PITPNM3: variants seen among roughly 807,000 people sequenced by gnomAD.
PITPNM3 encodes membrane-associated phosphatidylinositol transfer protein 3.
A neutral mutation model predicts 102.0 loss-of-function variants in PITPNM3; 26 were observed. The observed-to-expected ratio is 0.25, with a 90% CI of 0.19 to 0.35. The LOEUF is 0.35. PITPNM3 is among the 10% of genes least tolerant of loss of function. PITPNM3 has a pLI of 1.00. For missense variants in PITPNM3, 1,083 were observed against 1,346.1 expected (o/e 0.80, Z 3.06); for synonymous variants, 578 against 558.6 (o/e 1.03, Z -0.49).
chr17:6,473,210 T>G, intron 10 of PITPNM3: 2 of 332,720 alleles, frequency 6.0e-6, no homozygotes, highest in Non-Finnish European at 5.8e-6. Context: ...CCCAGGTTCC[T>G]TCAGGCAGGT....
intron 16 of PITPNM3, 96 bp from the exon 17 acceptor site, chr17:6,463,977 G>A: frequency 6.4e-7 from 1 of 1,570,726 alleles, no homozygotes; most frequent in South Asian, 1.1e-5. Flanking sequence ...AGCTCAGTCT[G>A]GGTCAAGGTC....
intron 6 of PITPNM3, chr17:6,479,103 C>T (rs1026357822): frequency 8.8e-6 from 2 of 226,090 alleles, no homozygotes; most frequent in Non-Finnish European, 8.8e-6. Context: ...AACATATCAT[C>T]ATGGCAGACT....
rs1913872029 is a variant in PITPNM3, at chr17:6,452,021, C to G, written c.*3317G>C. On this transcript the variant is annotated 3_prime_UTR_variant, in exon 20 of 20. Transcript: ENST00000262483. Reference sequence around the variant, plus strand: ...GTGCCTCATGAAAGACTCCAGGGCACAGGTATGGGTCCCAAAGGGGTAAAA... The same window carrying G: ...GTGCCTCATGAAAGACTCCAGGGCAGAGGTATGGGTCCCAAAGGGGTAAAA... The G allele has an allele frequency of 1.3e-5, 2 of 151,972 alleles. No homozygotes were observed. Among genetic ancestry groups the G allele is most frequent in the Admixed American group, 1.3e-4 (2 of 15,248 alleles). 9.4% of individuals were successfully genotyped at this position (151,972 alleles called of 1,614,324 possible). A position where few individuals can be genotyped will look rare whatever the true frequency, so the allele number is the denominator to read the frequency against.
rs536141354 is a variant in PITPNM3, at chr17:6,470,879, T to A, written c.1624+282A>T. Among the ~76,000 whole-genome samples, 6 of 152,020 alleles carry A rather than the reference T, an allele frequency of 3.9e-5. No homozygotes were observed. The highest frequency in any genetic ancestry group is 8.8e-5 in the Non-Finnish European group (6 of 67,980). Reference sequence around the variant, plus strand: ...CTCTCCTCAAGGTCAGAGCTCTGATTTGAGGCAGGGTCAGAGTTCAGGGCT... The same window carrying A: ...CTCTCCTCAAGGTCAGAGCTCTGATATGAGGCAGGGTCAGAGTTCAGGGCT... On this transcript the variant is annotated intron_variant, in intron 12 of 19. Transcript: ENST00000262483. The surrounding 1 kb of genome is among the most constrained non-coding windows in gnomAD (Gnocchi z 4.8).
In PITPNM3 at chr17:6,453,011, T is replaced by TCTCTGCCTTCCTGTCTTTCTTACTCC. The variant is rs1567655020; in HGVS notation, c.*2326_*2327insGGAGTAAGAAAGACAGGAAGGCAGAG. On this transcript the variant is annotated 3_prime_UTR_variant, in exon 20 of 20. Transcript: ENST00000262483. ...CTCTCTCTGTCTTCCTTTCTCTCTC[T>TCTCTGCCTTCCTGTCTTTCTTACTCC]CTCTCTCTCTCTGCCTTCCTGTCTT... The TCTCTGCCTTCCTGTCTTTCTTACTCC allele has an allele frequency of 7.8e-6, 1 of 128,720 alleles. No homozygotes were observed. The highest frequency in any genetic ancestry group is 2.8e-5 in the African/African-American group (1 of 36,132). 8.0% of individuals were successfully genotyped at this position (128,720 alleles called of 1,614,324 possible).
chr17:6,523,857 C>T (rs1191361930), intron 3 of PITPNM3, among the ~76,000 whole-genome samples: 2 of 152,212 alleles, frequency 1.3e-5, no homozygotes, highest in Non-Finnish European at 2.9e-5. Flanking sequence ...TCCTTTCAGA[C>T]TCATGGTTCC....
chr17:6,478,448 G>T lies in PITPNM3; in HGVS notation c.777+99C>A. The T allele has an allele frequency of 6.9e-7, 1 of 1,458,248 alleles. No individual in the cohort carries two copies. Among genetic ancestry groups the T allele is most frequent in the Non-Finnish European group, 9.5e-7 (1 of 1,055,356 alleles). The allele number at this position is 1,458,248 out of a possible 1,614,324, so 90.3% of individuals were successfully genotyped here. A position where few individuals can be genotyped will look rare whatever the true frequency, so the allele number is the denominator to read the frequency against. On this transcript the variant is annotated intron_variant, in intron 7 of 19. Transcript: ENST00000262483. This position sits in a 1 kb window ranked among gnomAD's most constrained non-coding sequence, Gnocchi z 4.4. Reference sequence around the variant, plus strand: ...CCTTTGGGCTCAGAGGCTGATTCGAGAACAGCCTGGCCTTGGCCCTTTCAG... The same window carrying T: ...CCTTTGGGCTCAGAGGCTGATTCGATAACAGCCTGGCCTTGGCCCTTTCAG...
rs141624187 is a variant in PITPNM3 at position 6,538,902 on chromosome 17, G to C, written c.23-820C>G. ...GCAGTCCTTCGAGATACCTGCTACA[G>C]TCCCAGTTCACCACACCCCCTACCC... On this transcript the variant is annotated intron_variant, in intron 1 of 19. Coordinates refer to ENST00000262483, the MANE Select transcript of PITPNM3 (RefSeq NM_031220.4). Among the ~76,000 whole-genome samples, 924 of 152,260 alleles carry C rather than the reference G, an allele frequency of 6.1e-3. 10 individuals carry two copies. The highest frequency in any genetic ancestry group is 0.021 in the African/African-American group (866 of 41,530).
chr17:6,528,312 C>A (rs932211591), intron 2 of PITPNM3, among the ~76,000 whole-genome samples: 3 of 152,142 alleles, frequency 2.0e-5, no homozygotes, highest in Non-Finnish European at 4.4e-5. Context: ...CTGGGTATGT[C>A]TCTTTCTTGA....
intron 2 of PITPNM3, among the ~76,000 whole-genome samples, chr17:6,530,783 G>A (rs1567690247): frequency 2.0e-5 from 3 of 152,326 alleles, no homozygotes; most frequent in East Asian, 3.9e-4. Context: ...CATATTCATG[G>A]AGGGAGGGCT....
At chr17:6,515,896 C>A (rs1908139488) in intron 3 of PITPNM3, among the ~76,000 whole-genome samples, 1 of 152,072 alleles carries the variant, frequency 6.6e-6, no homozygotes. Flanking sequence ...AAAACAAACC[C>A]CAGGCCTGGC....
chr17:6,470,494 G>A lies in PITPNM3; in HGVS notation c.1625-86C>T. ...GCGGGGTCTCCCATTGCACAGACTGGTGGTGGATGCCCCACGTGGGGCACG... is the reference window on the plus strand; with the variant it reads ...GCGGGGTCTCCCATTGCACAGACTGATGGTGGATGCCCCACGTGGGGCACG... On this transcript the variant is annotated intron_variant, in intron 12 of 19. Coordinates refer to ENST00000262483, the MANE Select transcript of PITPNM3 (RefSeq NM_031220.4). The surrounding 1 kb of genome is among the most constrained non-coding windows in gnomAD (Gnocchi z 4.8). 3.8e-6 allele frequency: 6 copies of A among 1,583,222 alleles called. No individual in the cohort carries two copies. Among genetic ancestry groups the A allele is most frequent in the Non-Finnish European group, 4.3e-6 (5 of 1,155,278 alleles).
In PITPNM3 at chr17:6,470,276, G is replaced by C; in HGVS notation, c.1757C>G (p.Ala586Gly). 6.2e-7 allele frequency: 1 copy of C among 1,610,134 alleles called. No individual in the cohort carries two copies. Among genetic ancestry groups the C allele is most frequent in the Non-Finnish European group, 8.5e-7 (1 of 1,178,260 alleles). The stretch of plus-strand genomic sequence containing the variant: ...CAGCAGTACCTGTCTCAGGATGAAG[G>C]CCACCACGTCTGTGGACTCCCAGTA... ...ASYWESTDVV[A>G]FILRQVMRYE... The change falls in exon 13 of 20, where the codon GCC becomes GGC. Residue 586 changes from alanine to glycine, a missense_variant. This residue lies in a region of PITPNM3 where 410 missense variants were observed against 638.4 expected (regional missense o/e 0.64). Coordinates refer to ENST00000262483, the MANE Select transcript of PITPNM3 (RefSeq NM_031220.4). This position sits in a 1 kb window ranked among gnomAD's most constrained non-coding sequence, Gnocchi z 4.8.
chr17:6,468,273 G>GGCAGGACTCAGTGCT lies in PITPNM3; in HGVS notation c.1827_1841dup (p.Ala610_Ala614dup). The GGCAGGACTCAGTGCT allele has an allele frequency of 6.2e-7, 1 of 1,613,898 alleles. No individual in the cohort carries two copies. The highest frequency in any genetic ancestry group is 8.5e-7 in the Non-Finnish European group (1 of 1,180,012). ...TACGAAGCCACTTCTCCCGGGGGTT[G>GGCAGGACTCAGTGCT]GCAGGACTCAGTGCTGCAGGGTCCA... On this transcript the variant is annotated inframe_insertion, in exon 14 of 20. Transcript: ENST00000262483. The surrounding 1 kb of genome is among the most constrained non-coding windows in gnomAD (Gnocchi z 5.2).
chr17:6,474,587 A>G lies in PITPNM3; in HGVS notation c.1103T>C (p.Leu368Pro). Residue 368 changes from leucine to proline, a missense_variant, in exon 10 of 20, where the codon CTA becomes CCA. Leu to Pro is a moderately conservative substitution (Grantham distance 98). Coordinates refer to ENST00000262483, the MANE Select transcript of PITPNM3 (RefSeq NM_031220.4). ...CGCCGGGGTCTCAGACTCATCCTTT[A>G]GCACGCTGGAGTGGATGCTGCGGAG... is the stretch of plus-strand genomic sequence containing the variant. The part of the protein sequence containing the change: ...AFLSSIHSSV[L>P]KDESETPAAG... 6.4e-7 allele frequency: 1 copy of G among 1,572,276 alleles called. No homozygotes were observed. Among genetic ancestry groups the G allele is most frequent in the Non-Finnish European group, 8.6e-7 (1 of 1,159,460 alleles).
intron 11 of PITPNM3, among the ~76,000 whole-genome samples, chr17:6,471,933 G>A (rs1015386738): frequency 6.6e-6 from 1 of 152,202 alleles, no homozygotes; most frequent in African/African-American, 2.4e-5. Flanking sequence ...CATTGAATTA[G>A]GGGTGAGGAA....
At chr17:6,551,298 C>A (rs543675512) in intron 1 of PITPNM3, among the ~76,000 whole-genome samples, 1 of 151,088 alleles carries the variant, frequency 6.6e-6, no homozygotes, top group Non-Finnish European at 1.5e-5. Flanking sequence ...TGGAGCTTGC[C>A]GTGAGCTGAG....
chr17:6,504,762 G>C (rs140947436), intron 3 of PITPNM3, among the ~76,000 whole-genome samples: 3 of 152,152 alleles, frequency 2.0e-5, no homozygotes, highest in Non-Finnish European at 2.9e-5. Flanking sequence ...CTTCACTTAC[G>C]AACCATGCAC....
chr17:6,550,426 C>T (rs1032924507), intron 1 of PITPNM3, among the ~76,000 whole-genome samples: 28 of 152,318 alleles, frequency 1.8e-4, no homozygotes, highest in African/African-American at 6.3e-4. Flanking sequence ...ATGCGAACTC[C>T]CGATCCTAGG....
Sources: gnomAD v4.1 joint callset for allele counts (sites outside exome capture counted in the v4.1 genomes callset) on GRCh38, gnomAD v4.1.1 for gene constraint, gnomAD v4.1.1 regional missense constraint, Gnocchi (gnomAD v3.1) non-coding constraint, MANE v1.5 for transcripts, NCBI Gene and HGNC (gene_info 2026-07-23, HGNC 2026-07-21) for gene names.